EPHA5: variants seen among roughly 807,000 people sequenced by gnomAD.
EPHA5 encodes the protein ephrin type-A receptor 5.
EPHA5 carries 60 observed loss-of-function variants against 105.0 expected under a neutral mutation model. The observed-to-expected ratio is 0.57, with a 90% CI of 0.46 to 0.71. The LOEUF is 0.71. EPHA5 is among the 30% of genes least tolerant of loss of function. EPHA5 has a pLI of 0.00. For synonymous variants in EPHA5, 513 were observed against 449.1 expected (o/e 1.14, Z -1.80); for missense variants, 1,218 against 1,274.7 (o/e 0.96, Z 0.68).
intron 3 of EPHA5, among the ~76,000 whole-genome samples, chr4:65,568,205 G>A (rs962916501): frequency 6.6e-6 from 1 of 151,396 alleles, no homozygotes; most frequent in African/African-American, 2.4e-5. Context: ...ATTAAAGGTA[G>A]ATAGCTCATT....
At chr4:65,467,711 A>G (rs1578183553) in intron 5 of EPHA5, among the ~76,000 whole-genome samples, 2 of 152,224 alleles carry the variant, frequency 1.3e-5, no homozygotes, top group East Asian at 1.9e-4. Flanking sequence ...TTCACAGAAC[A>G]TCTGGATATG....
chr4:65,360,194 T>C (rs575187001), intron 11 of EPHA5, among the ~76,000 whole-genome samples: 5 of 151,852 alleles, frequency 3.3e-5, no homozygotes, highest in Non-Finnish European at 5.9e-5. Context: ...TTTCTCCATT[T>C]AACATTATTA....
At chr4:65,509,213 A>C (rs576615976) in intron 3 of EPHA5, among the ~76,000 whole-genome samples, 14 of 152,276 alleles carry the variant, frequency 9.2e-5, no homozygotes, top group African/African-American at 3.4e-4. Flanking sequence ...TTCACGCTCA[A>C]AATAACTTGG....
Position 65,451,135 on chromosome 4 carries a change from C to T in EPHA5, c.1403-30570G>A, listed in dbSNP as rs114157247. Among the ~76,000 whole-genome samples the T allele has an allele frequency of 1.7e-3, 257 of 152,206 alleles. 1 individual carries two copies. Among genetic ancestry groups the T allele is most frequent in the African/African-American group, 6.0e-3 (250 of 41,546 alleles). On this transcript the variant is annotated intron_variant, in intron 5 of 16. Transcript: ENST00000613740. ...TAAAGCTGCCTCACAGAACAGGTGG[C>T]TTCAATCACTTTTGGATAAGTAGCT... is the stretch of plus-strand genomic sequence containing the variant.
In EPHA5 at chr4:65,669,792, G is replaced by A. The variant is rs1750308277; in HGVS notation, c.-50C>T. 1.6e-6 allele frequency: 2 copies of A among 1,236,048 alleles called. No homozygotes were observed. Among genetic ancestry groups the A allele is most frequent in the Non-Finnish European group, 1.0e-6 (1 of 989,996 alleles). The allele number at this position is 1,236,048 out of a possible 1,614,324, so 76.6% of individuals were successfully genotyped here. On this transcript the variant is annotated 5_prime_UTR_variant, in exon 1 of 17. Coordinates refer to ENST00000613740, the MANE Select transcript of EPHA5 (RefSeq NM_001281766.3). ...GCTGTCCCGAGCGGCTCAGTCCACCGCTTCGGCCTCGCAGAGCGGCGAAGG... is the reference window on the plus strand; with the variant it reads ...GCTGTCCCGAGCGGCTCAGTCCACCACTTCGGCCTCGCAGAGCGGCGAAGG...
intron 5 of EPHA5, among the ~76,000 whole-genome samples, chr4:65,460,056 T>C (rs1727982082): frequency 1.3e-5 from 2 of 151,750 alleles, no homozygotes; most frequent in South Asian, 4.1e-4. Context: ...AACTGGAAAA[T>C]AATGCATTCT....
At chr4:65,378,336 C>T (rs1267485498) in intron 8 of EPHA5, among the ~76,000 whole-genome samples, 3 of 151,798 alleles carry the variant, frequency 2.0e-5, no homozygotes, top group Non-Finnish European at 2.9e-5. Flanking sequence ...TATTGAGAGT[C>T]AGAGTTACAG....
intron 3 of EPHA5, among the ~76,000 whole-genome samples, chr4:65,534,435 T>C (rs1736105839): frequency 1.3e-5 from 2 of 152,152 alleles, no homozygotes; most frequent in African/African-American, 4.8e-5. Context: ...GAATCTGCAA[T>C]AACATACAAA....
In EPHA5 at chr4:65,534,675, C is replaced by T. The variant is rs578163461; in HGVS notation, c.911-39132G>A. Reference sequence around the variant, plus strand: ...ACAATTTTCTGCAAAGATCTGAAACCTGATCTCAGATAAATTACACAAGTT... The same window carrying T: ...ACAATTTTCTGCAAAGATCTGAAACTTGATCTCAGATAAATTACACAAGTT... On this transcript the variant is annotated intron_variant, in intron 3 of 16. Coordinates refer to ENST00000613740, the MANE Select transcript of EPHA5 (RefSeq NM_001281766.3). Among the ~76,000 whole-genome samples the T allele has an allele frequency of 1.2e-4, 18 of 152,216 alleles. No individual in the cohort carries two copies. In the South Asian group the frequency reaches 1.5e-3, roughly 12 times the overall value.
chr4:65,372,442 G>A (rs2148908355), intron 8 of EPHA5, among the ~76,000 whole-genome samples: 1 of 151,970 alleles, frequency 6.6e-6, no homozygotes, highest in Non-Finnish European at 1.5e-5. Context: ...TATTTAGGCA[G>A]TCTTGCTAGC....
In EPHA5 at chr4:65,336,198, C is replaced by T. The variant is rs1275460133; in HGVS notation, c.2596-73G>A. On this transcript the variant is annotated intron_variant, in intron 14 of 16. Coordinates refer to ENST00000613740, the MANE Select transcript of EPHA5 (RefSeq NM_001281766.3). ...ATAGAATAGCTTTAAAAATGTCCCA[C>T]TGTCCAACTTTTATCCTTTCTTATC... The T allele has an allele frequency of 3.2e-6, 4 of 1,255,808 alleles. No individual in the cohort carries two copies. The Admixed American group carries it at 8.2e-5, about 26-fold the overall frequency. 77.8% of individuals were successfully genotyped at this position (1,255,808 alleles called of 1,614,324 possible).
At chr4:65,516,393 C>T (rs7673091) in intron 3 of EPHA5, among the ~76,000 whole-genome samples, 111,685 of 152,020 alleles carry the variant, frequency 0.73, 41,226 homozygotes, top group East Asian at 0.87. Flanking sequence ...CGTTGCTCTC[C>T]TGATGTTGAG....
At chr4:65,539,697 G>T (rs1392842881) in intron 3 of EPHA5, among the ~76,000 whole-genome samples, 1 of 151,418 alleles carries the variant, frequency 6.6e-6, no homozygotes, top group East Asian at 1.9e-4. Context: ...CATGAAAAAA[G>T]TTTCTTAAAA....
At chr4:65,556,716 G>A (rs1186163022) in intron 3 of EPHA5, among the ~76,000 whole-genome samples, 4 of 152,082 alleles carry the variant, frequency 2.6e-5, no homozygotes, top group Admixed American at 1.3e-4. Flanking sequence ...GTTATTTTCA[G>A]CATTATTATT....
intron 2 of EPHA5, among the ~76,000 whole-genome samples, chr4:65,617,203 A>G (rs1241025257): frequency 6.6e-6 from 1 of 152,034 alleles, no homozygotes; most frequent in Non-Finnish European, 1.5e-5. Context: ...ATATTATCTT[A>G]AATCCTGTTT....
intron 5 of EPHA5, among the ~76,000 whole-genome samples, chr4:65,486,619 T>C (rs1730905728): frequency 6.6e-6 from 1 of 152,260 alleles, no homozygotes; most frequent in African/African-American, 2.4e-5. Context: ...AAAAGTTTTA[T>C]ATAACAACCA....
At chr4:65,405,041 CATAA>C (rs895707196) in intron 7 of EPHA5, among the ~76,000 whole-genome samples, 2 of 151,984 alleles carry the variant, frequency 1.3e-5, no homozygotes, top group African/African-American at 2.4e-5. Flanking sequence ...CAATATATTT[CATAA>C]ATAAATTCAC....
At chr4:65,557,260 T>TATATATATATATATATA (rs1264706656) in intron 3 of EPHA5, among the ~76,000 whole-genome samples, 1 of 25,548 alleles carries the variant, frequency 3.9e-5, no homozygotes, top group African/African-American at 1.2e-4. Context: ...ATATATATAT[T>TATATATATATATATATA]CTCACACTTT....
chr4:65,522,446 A>C (rs1734844879), intron 3 of EPHA5, among the ~76,000 whole-genome samples: 1 of 151,844 alleles, frequency 6.6e-6, no homozygotes. Flanking sequence ...CATATAATTA[A>C]AAAAGCAATC....
Sources: allele counts gnomAD v4.1 joint callset (sites outside exome capture counted in the v4.1 genomes callset), GRCh38; gene constraint gnomAD v4.1.1; transcripts MANE v1.5; gene names NCBI Gene and HGNC (gene_info 2026-07-23, HGNC 2026-07-21).